RUNDC1: variants seen among roughly 807,000 people sequenced by gnomAD.
RUNDC1 encodes the protein RUN domain-containing protein 1.
In RUNDC1, 31 loss-of-function variants were observed where a neutral mutation model predicts 49.3. The observed-to-expected ratio is 0.63, with a 90% confidence interval of 0.47 to 0.85. The LOEUF is 0.85. Among genes scored for constraint, RUNDC1 ranks in the 40% least tolerant of loss-of-function variants. The pLI, the probability that RUNDC1 is intolerant of heterozygous loss-of-function variation, is 0.00. For synonymous variants in RUNDC1, 347 were observed against 348.6 expected, an observed-to-expected ratio of 1.00 and a Z score of 0.05; for missense variants, 715 against 806.7, an observed-to-expected ratio of 0.89 and a Z score of 1.38.
intron 1 of RUNDC1, chr17:42,985,646 T>A (rs1567730275): frequency 3.8e-6 from 2 of 519,534 alleles, no homozygotes; most frequent in Non-Finnish European, 4.9e-6. Context: ...TACTTACTTC[T>A]TCAGGGCTTG....
chr17:42,985,602 C>CTTTTTTTTTT (rs71157692), intron 1 of RUNDC1: 1 of 169,698 alleles, frequency 5.9e-6, no homozygotes, highest in Non-Finnish European at 1.0e-5. Flanking sequence ...TTGTTGTTTT[C>CTTTTTTTTTT]TTTTTTTTTT....
intron 1 of RUNDC1, among the ~76,000 whole-genome samples, chr17:42,985,069 T>G (rs749432005): frequency 2.0e-5 from 3 of 151,906 alleles, no homozygotes; most frequent in Non-Finnish European, 4.4e-5. Flanking sequence ...CTAGTTTTTG[T>G]AGAGACGGGG....
intron 1 of RUNDC1, chr17:42,981,435 C>T (rs930333903): frequency 4.2e-6 from 1 of 238,952 alleles, no homozygotes; most frequent in South Asian, 1.6e-4. Flanking sequence ...ACTTTGGCTG[C>T]TAGAGGACCC....
intron 1 of RUNDC1, among the ~76,000 whole-genome samples, chr17:42,984,889 C>CTTTT (rs56228523): frequency 1.0e-3 from 66 of 65,250 alleles, no homozygotes; most frequent in African/African-American, 2.7e-3. Context: ...TTCTTTCTTT[C>CTTTT]TTTTTTTTTT....
intron 1 of RUNDC1, among the ~76,000 whole-genome samples, chr17:42,986,629 C>G (rs564542695): frequency 2.0e-4 from 31 of 152,202 alleles, no homozygotes; most frequent in South Asian, 4.2e-4. Context: ...TCCCAAGTAG[C>G]TGGGACTACA....
intron 2 of RUNDC1, 135 bp downstream of exon 2, chr17:42,987,549 G>A: frequency 1.3e-6 from 1 of 760,906 alleles, no homozygotes; most frequent in Non-Finnish European, 2.1e-6. Flanking sequence ...AAATCAAAGG[G>A]AAATTTTACT....
chr17:42,990,556 C>G (rs1248264926), intron 4 of RUNDC1, 120 bp downstream of exon 4: 1 of 1,076,052 alleles, frequency 9.3e-7, no homozygotes, highest in African/African-American at 1.6e-5. Context: ...TATGGATTTG[C>G]TTTTGGGAAG....
chr17:42,984,621 A>G (rs1185803367), intron 1 of RUNDC1, among the ~76,000 whole-genome samples: 1 of 152,062 alleles, frequency 6.6e-6, no homozygotes, highest in African/African-American at 2.4e-5. Context: ...ACCAGAGCTC[A>G]TTGTTCTCTC....
chr17:42,981,399 T>G, intron 1 of RUNDC1: 1 of 309,632 alleles, frequency 3.2e-6, no homozygotes, highest in Non-Finnish European at 6.0e-6. Context: ...CCACTCACCT[T>G]TCCCTCACGT....
chr17:42,985,017 T>C (rs1473267893), intron 1 of RUNDC1, among the ~76,000 whole-genome samples: 1 of 145,978 alleles, frequency 6.9e-6, no homozygotes, highest in Non-Finnish European at 1.5e-5. Flanking sequence ...TGCCTCAGCC[T>C]CCCAAGTAGC....
chr17:42,993,384 A>G lies in RUNDC1; in HGVS notation c.*1668A>G, dbSNP rs1486972673. On this transcript the variant is annotated 3_prime_UTR_variant, in exon 5 of 5. Coordinates refer to ENST00000361677, the MANE Select transcript of RUNDC1 (RefSeq NM_173079.5). ...ACACTACTGATTCAGCATTGTTTTC[A>G]TGTCTTAAAATTGCCACCTGCACTT... The G allele has an allele frequency of 1.3e-5, 2 of 152,348 alleles. No homozygotes were observed. The highest frequency in any genetic ancestry group is 2.1e-4 in the South Asian group (1 of 4,828). 9.4% of individuals were successfully genotyped at this position (152,348 alleles called of 1,614,324 possible). A position where few individuals can be genotyped will look rare whatever the true frequency, so the allele number is the denominator to read the frequency against.
chr17:42,980,630 G>A lies in RUNDC1; in HGVS notation c.54G>A (p.Gly18=), dbSNP rs2050061534. 1.2e-6 allele frequency: 2 copies of A among 1,606,906 alleles called. No homozygotes were observed. The highest frequency in any genetic ancestry group is 8.5e-7 in the Non-Finnish European group (1 of 1,178,412). Residue 18 remains glycine, a synonymous_variant, in exon 1 of 5, where the codon GGG becomes GGA. Transcript: ENST00000361677. The part of the protein sequence containing the change: ...AEPVTVVAAV[G]PKAKDEEEEE... ...CGGTAACGGTGGTGGCGGCTGTTGG[G>A]CCAAAGGCGAAAGACGAAGAGGAGG...
In RUNDC1 at chr17:42,992,214, CA is replaced by C. The variant is rs879774243; in HGVS notation, c.*509del. On this transcript the variant is annotated 3_prime_UTR_variant, in exon 5 of 5. Coordinates refer to ENST00000361677, the MANE Select transcript of RUNDC1 (RefSeq NM_173079.5). ...TGGGCGACAGAGTGAGACTCCGTCT[CA>C]AAAAAAAAAAGAAGGTTGTACCCAC... 2.7e-3 allele frequency: 380 copies of C among 142,146 alleles called. No homozygotes were observed. Among genetic ancestry groups the C allele is most frequent in the South Asian group, 6.1e-3 (30 of 4,930 alleles). 8.8% of individuals were successfully genotyped at this position (142,146 alleles called of 1,614,324 possible).
At chr17:42,981,962 T>G (rs2050099681) in intron 1 of RUNDC1, 1 of 151,496 alleles carries the variant, frequency 6.6e-6, no homozygotes, top group East Asian at 1.9e-4. Context: ...GCTGGCTTTA[T>G]TGGAAGTGTT....
Position 42,985,328 on chromosome 17 carries a change from C to T in RUNDC1, c.499-1928C>T, listed in dbSNP as rs929866738. Among the ~76,000 whole-genome samples the T allele has an allele frequency of 2.6e-5, 4 of 152,244 alleles. No homozygotes were observed. In the East Asian group the frequency reaches 7.7e-4, roughly 29 times the overall value. ...GTTCATAGACTAGAAGAGACAGAAT[C>T]CTAAACAAATAATGTGATATGAGCT... On this transcript the variant is annotated intron_variant, in intron 1 of 4. Coordinates refer to ENST00000361677, the MANE Select transcript of RUNDC1 (RefSeq NM_173079.5).
chr17:42,982,869 C>A (rs948987326), intron 1 of RUNDC1, among the ~76,000 whole-genome samples: 1 of 151,452 alleles, frequency 6.6e-6, no homozygotes, highest in African/African-American at 2.4e-5. Context: ...TTCCTGTAAT[C>A]CCAGCTACTC....
At chr17:42,987,191 G>C (rs2050182412) in intron 1 of RUNDC1, 65 bp from the exon 2 acceptor site, 1 of 1,305,488 alleles carries the variant, frequency 7.7e-7, no homozygotes, top group African/African-American at 1.5e-5. Context: ...GGCTCGAGCA[G>C]ATTCTTAATG....
At chr17:42,981,674 G>C (rs1022273060) in intron 1 of RUNDC1, 1 of 152,284 alleles carries the variant, frequency 6.6e-6, no homozygotes, top group African/African-American at 2.4e-5. Context: ...AGACGGGAGG[G>C]TCTTGGTATG....
chr17:42,982,340 C>G (rs2050110678), intron 1 of RUNDC1, among the ~76,000 whole-genome samples: 1 of 152,124 alleles, frequency 6.6e-6, no homozygotes, highest in South Asian at 2.1e-4. Flanking sequence ...TTTCTTCCCA[C>G]TTACATTGGT....
Sources: gnomAD v4.1 joint callset for allele counts (sites outside exome capture counted in the v4.1 genomes callset) on GRCh38, gnomAD v4.1.1 for gene constraint, MANE v1.5 for transcripts, NCBI Gene and HGNC (gene_info 2026-07-23, HGNC 2026-07-21) for gene names.